The following NDUFB2 variants were observed in gnomAD, a reference collection of about 807,000 sequenced individuals.
NDUFB2 encodes the protein NADH:ubiquinone oxidoreductase subunit B2, also known as NADH dehydrogenase [ubiquinone] 1 beta subcomplex subunit 2, mitochondrial.
Under a neutral mutation model 13.4 loss-of-function variants are expected in NDUFB2, and 13 were observed. That is an observed-to-expected ratio of 0.97 (90% CI 0.63 to 1.54). NDUFB2 has a LOEUF of 1.54. NDUFB2 is among the 40% of genes most tolerant of loss of function. The pLI is 0.00. For synonymous variants in NDUFB2, 47 were observed against 50.6 expected (o/e 0.93, Z 0.30); for missense variants, 150 against 139.7 (o/e 1.07, Z -0.37).
At chr7:140,697,104 G>C (rs1287464160) in intron 1 of NDUFB2, 4 of 588,080 alleles carry the variant, frequency 6.8e-6, no homozygotes, top group Non-Finnish European at 1.2e-5. Flanking sequence ...CTCGGGAGAC[G>C]CACGCGTGAA....
chr7:140,703,555 G>A (rs1316173123), intron 2 of NDUFB2, among the ~76,000 whole-genome samples: 2 of 152,028 alleles, frequency 1.3e-5, no homozygotes, highest in African/African-American at 2.4e-5. Flanking sequence ...GATCACAGGC[G>A]TGAGCCACCG....
chr7:140,703,007 G>T lies in NDUFB2; in HGVS notation c.240G>T (p.Val80=), dbSNP rs775391544. 1 of 1,614,064 alleles carries T rather than the reference G, an allele frequency of 6.2e-7. No individual in the cohort carries two copies. Among genetic ancestry groups the T allele is most frequent in the Non-Finnish European group, 8.5e-7 (1 of 1,180,016 alleles). Residue 80 remains valine (V), a synonymous_variant, in exon 2 of 4, where the codon GTG becomes GTT. Transcript: ENST00000247866. Reference sequence around the variant, plus strand: ...GCTTTTGGCATGACTCAGAAGAGGTGCTGGTAAGTGCAGGAGAAGAGCACT... The same window carrying T: ...GCTTTTGGCATGACTCAGAAGAGGTTCTGGTAAGTGCAGGAGAAGAGCACT... ...LWRFWHDSEE[V]LGHFPYPDPS... is the part of the protein sequence containing the mutation.
chr7:140,704,177 T>A (rs1168805047), intron 2 of NDUFB2, among the ~76,000 whole-genome samples: 5 of 152,204 alleles, frequency 3.3e-5, no homozygotes, highest in African/African-American at 1.2e-4. Context: ...CCAGGATACT[T>A]TGAGTTGTAG....
intron 1 of NDUFB2, 67 bp from the exon 2 acceptor site, chr7:140,702,799 G>A: frequency 6.3e-7 from 1 of 1,579,204 alleles, no homozygotes; most frequent in Admixed American, 1.7e-5. Flanking sequence ...GTAACTCAGA[G>A]GAGTTTTGGA....
At chr7:140,697,370 C>A (rs1022233699) in intron 1 of NDUFB2, 18 of 702,762 alleles carry the variant, frequency 2.6e-5, no homozygotes, top group Non-Finnish European at 4.2e-5. Flanking sequence ...TGGAGGCTGT[C>A]GCCCAGAGAG....
Position 140,696,753 on chromosome 7 carries a change from T to G in NDUFB2, c.9T>G (p.Ala3=). 2 of 1,597,504 alleles carry G rather than the reference T, an allele frequency of 1.3e-6. No individual in the cohort carries two copies. The highest frequency in any genetic ancestry group is 2.3e-5 in the South Asian group (2 of 88,564). The change falls in exon 1 of 4, where the codon GCT becomes GCG. Residue 3 remains alanine, a synonymous_variant. Coordinates refer to ENST00000247866, the MANE Select transcript of NDUFB2 (RefSeq NM_004546.3). MS[A]LTRLASFARV... is the part of the protein sequence containing the mutation. Reference sequence around the variant, plus strand: ...GGCGGACGGGAGCGAGTATGTCCGCTCTGACTCGGCTGGCGTCTTTCGCTC... The same window carrying G: ...GGCGGACGGGAGCGAGTATGTCCGCGCTGACTCGGCTGGCGTCTTTCGCTC...
chr7:140,697,709 A>G (rs918728993), intron 1 of NDUFB2, among the ~76,000 whole-genome samples: 11 of 152,138 alleles, frequency 7.2e-5, no homozygotes, highest in Non-Finnish European at 1.2e-4. Flanking sequence ...GCTGGGTTCA[A>G]ATCCCACCTC....
intron 1 of NDUFB2, chr7:140,697,212 G>T: frequency 3.1e-6 from 2 of 650,646 alleles, no homozygotes; most frequent in Admixed American, 4.6e-5. Flanking sequence ...CGAGGCGGGG[G>T]GCGGCGGCGG....
At chr7:140,697,556 C>T (rs140282522) in intron 1 of NDUFB2, among the ~76,000 whole-genome samples, 8 of 151,954 alleles carry the variant, frequency 5.3e-5, no homozygotes, top group African/African-American at 9.7e-5. Flanking sequence ...CTGCCGAAGC[C>T]GAGTTAGTGG....
intron 2 of NDUFB2, 27 bp downstream of exon 2, chr7:140,703,037 G>C: frequency 6.3e-7 from 1 of 1,596,028 alleles, no homozygotes; most frequent in Non-Finnish European, 8.6e-7. Context: ...AGCACTTGTC[G>C]TTTTTTGGGT....
chr7:140,697,493 AG>A (rs1794830788), intron 1 of NDUFB2: 2 of 687,656 alleles, frequency 2.9e-6, no homozygotes, highest in Middle Eastern at 3.3e-4. Context: ...CGCAGACCGG[AG>A]GGCGGAGGGC....
At chr7:140,702,163 T>C in intron 1 of NDUFB2, 1 of 641,226 alleles carries the variant, frequency 1.6e-6, no homozygotes, top group South Asian at 1.8e-5. Flanking sequence ...AAATTTTTTA[T>C]CCACTTCTGT....
intron 1 of NDUFB2, chr7:140,698,113 A>C: frequency 7.4e-7 from 1 of 1,351,164 alleles, no homozygotes; most frequent in Non-Finnish European, 9.8e-7. Flanking sequence ...GACTTGCCTG[A>C]AGTCCCACAT....
chr7:140,706,539 C>T (rs1309939683), intron 3 of NDUFB2, 24 bp from the exon 4 acceptor site: 2 of 151,760 alleles, frequency 1.3e-5, no homozygotes, highest in Non-Finnish European at 2.9e-5. Context: ...GTACTTAAAG[C>T]TTTCTACTTT....
chr7:140,696,947 G>A, intron 1 of NDUFB2, 105 bp downstream of exon 1: 1 of 1,040,756 alleles, frequency 9.6e-7, no homozygotes, highest in Non-Finnish European at 1.4e-6. Context: ...GCCGCGTCCC[G>A]AGGCATGCTG....
chr7:140,701,227 G>A (rs1410031850), intron 1 of NDUFB2: 1 of 152,216 alleles, frequency 6.6e-6, no homozygotes, highest in Non-Finnish European at 1.5e-5. Context: ...GTGTGTGTCT[G>A]TAGGCAACAG....
rs992830540 is a variant in NDUFB2, at chr7:140,697,239, C to T, written c.98+397C>T. Reference sequence around the variant, plus strand: ...CGGCGGCGGTGAGGCCTAGGGAGGGCGCGGTCCAGGGTCCCGGTGCCTGGC... The same window carrying T: ...CGGCGGCGGTGAGGCCTAGGGAGGGTGCGGTCCAGGGTCCCGGTGCCTGGC... On this transcript the variant is annotated intron_variant, in intron 1 of 3. Transcript: ENST00000247866. The T allele has an allele frequency of 2.6e-5, 18 of 685,780 alleles. No individual in the cohort carries two copies. The Admixed American group carries it at 3.1e-4, about 12-fold the overall frequency. 42.5% of individuals were successfully genotyped at this position (685,780 alleles called of 1,614,324 possible).
In NDUFB2 at chr7:140,696,718, G is replaced by T; in HGVS notation, c.-27G>T. Reference sequence around the variant, plus strand: ...GAAGTAGGCAGGGGCGAGGCGGCTGGGGACCGCGGGGCGGACGGGAGCGAG... The same window carrying T: ...GAAGTAGGCAGGGGCGAGGCGGCTGTGGACCGCGGGGCGGACGGGAGCGAG... On this transcript the variant is annotated 5_prime_UTR_variant, in exon 1 of 4. Coordinates refer to ENST00000247866, the MANE Select transcript of NDUFB2 (RefSeq NM_004546.3). 1.3e-6 allele frequency: 2 copies of T among 1,561,552 alleles called. No homozygotes were observed. Among genetic ancestry groups the T allele is most frequent in the Non-Finnish European group, 1.7e-6 (2 of 1,154,230 alleles).
At position 140,696,736 on chromosome 7, in the gene NDUFB2, G is replaced by A. The variant is rs1191254092; in HGVS notation, c.-9G>A. On this transcript the variant is annotated 5_prime_UTR_variant, in exon 1 of 4. Coordinates refer to ENST00000247866, the MANE Select transcript of NDUFB2 (RefSeq NM_004546.3). ...GCGGCTGGGGACCGCGGGGCGGACG[G>A]GAGCGAGTATGTCCGCTCTGACTCG... is the stretch of plus-strand genomic sequence containing the variant. 3 of 1,581,604 alleles carry A rather than the reference G, an allele frequency of 1.9e-6. No individual in the cohort carries two copies. Among genetic ancestry groups the A allele is most frequent in the African/African-American group, 2.7e-5 (2 of 74,058 alleles).
Sources: gnomAD v4.1 joint callset for allele counts (sites outside exome capture counted in the v4.1 genomes callset) on GRCh38, gnomAD v4.1.1 for gene constraint, MANE v1.5 for transcripts, NCBI Gene and HGNC (gene_info 2026-07-23, HGNC 2026-07-21) for gene names.